Variants in GARRE1 observed in about 807,000 individuals in gnomAD.
GARRE1 encodes granule associated Rac and RHOG effector 1.
A neutral mutation model predicts 103.2 loss-of-function variants in GARRE1; 49 were observed. That is an observed-to-expected ratio of 0.47 (90% confidence interval 0.38 to 0.60). GARRE1 has a LOEUF of 0.60. Among genes scored for constraint, GARRE1 ranks in the 20% least tolerant of loss-of-function variants. The pLI is 0.00. For synonymous variants in GARRE1, 505 were observed against 532.8 expected (o/e 0.95, Z 0.72); for missense variants, 1,199 against 1,370.5 (o/e 0.87, Z 1.98).
intron 10 of GARRE1, among the ~76,000 whole-genome samples, chr19:34,344,571 A>C (rs1451509306): frequency 6.8e-6 from 1 of 147,866 alleles, no homozygotes; most frequent in African/African-American, 2.5e-5. Context: ...AGCCTGGGCG[A>C]CAGAGCGAGA....
chr19:34,343,544 T>C (rs113708308), intron 10 of GARRE1, among the ~76,000 whole-genome samples: 2,919 of 152,182 alleles, frequency 0.019, 103 homozygotes, highest in African/African-American at 0.066. Context: ...TACAAAATTA[T>C]ACCAAGAAGT....
intron 7 of GARRE1, among the ~76,000 whole-genome samples, chr19:34,330,748 T>G (rs57866055): frequency 0.061 from 7,761 of 128,148 alleles, 435 homozygotes; most frequent in African/African-American, 0.15. Flanking sequence ...TTTTTTTTTT[T>G]TGTGTGTGTG....
intron 3 of GARRE1, among the ~76,000 whole-genome samples, chr19:34,325,097 A>T (rs1048539573): frequency 2.0e-5 from 3 of 151,888 alleles, no homozygotes; most frequent in African/African-American, 7.3e-5. Context: ...CCTTGGAAAT[A>T]CTCTCAGCTT....
At chr19:34,296,765 CG>C (rs2073949830) in intron 1 of GARRE1, among the ~76,000 whole-genome samples, 1 of 152,052 alleles carries the variant, frequency 6.6e-6, no homozygotes, top group South Asian at 2.1e-4. Flanking sequence ...CCGCAGCTCC[CG>C]AAGCACCTAG....
At chr19:34,332,631 A>G (rs959924962) in intron 7 of GARRE1, among the ~76,000 whole-genome samples, 4 of 152,190 alleles carry the variant, frequency 2.6e-5, no homozygotes, top group African/African-American at 9.7e-5. Context: ...TTTTTTCCAA[A>G]GGTCATTGCA....
chr19:34,283,934 C>A (rs1372408487), intron 1 of GARRE1, among the ~76,000 whole-genome samples: 2 of 149,590 alleles, frequency 1.3e-5, no homozygotes, highest in East Asian at 3.9e-4. Context: ...CAGGTTCATG[C>A]CATTCTCCTG....
At chr19:34,316,588 A>AG (rs2074061582) in intron 2 of GARRE1, among the ~76,000 whole-genome samples, 1 of 152,176 alleles carries the variant, frequency 6.6e-6, no homozygotes, top group South Asian at 2.1e-4. Context: ...GTACTCTCTC[A>AG]AGAGAAGGTG....
Position 34,300,952 on chromosome 19 carries a change from G to A in GARRE1, c.479G>A (p.Ser160Asn). The A allele has an allele frequency of 6.2e-7, 1 of 1,601,180 alleles. No individual in the cohort carries two copies. Among genetic ancestry groups the A allele is most frequent in the Non-Finnish European group, 8.5e-7 (1 of 1,179,206 alleles). The change falls in exon 2 of 14, where the codon AGT becomes AAT. Residue 160 changes from serine (S) to asparagine (N), a missense_variant. Coordinates refer to ENST00000299505, the MANE Select transcript of GARRE1 (RefSeq NM_014686.5). ...AATTTTACGGATCAGAAGGAATTCA[G>A]TCTCCAGGACATTGAGGTAGAGTAT... ...AANFTDQKEF[S>N]LQDIEVLGRC... is the part of the protein sequence containing the mutation.
At chr19:34,318,437 G>A (rs185882387) in intron 2 of GARRE1, among the ~76,000 whole-genome samples, 120 of 152,346 alleles carry the variant, frequency 7.9e-4, no homozygotes, top group African/African-American at 2.8e-3. Context: ...CACCACTTGC[G>A]TGAGGCAGTG....
At chr19:34,284,285 C>T (rs1009083953) in intron 1 of GARRE1, among the ~76,000 whole-genome samples, 4 of 151,910 alleles carry the variant, frequency 2.6e-5, no homozygotes, top group East Asian at 3.9e-4. Flanking sequence ...CTACCACGCT[C>T]GGCTAATTTT....
At chr19:34,273,381 G>A (rs1033731522) in intron 1 of GARRE1, among the ~76,000 whole-genome samples, 2 of 152,124 alleles carry the variant, frequency 1.3e-5, no homozygotes, top group East Asian at 1.9e-4. Flanking sequence ...TTATGTGGAC[G>A]TGGCATGTCT....
intron 3 of GARRE1, 51 bp downstream of exon 3, chr19:34,320,167 C>G: frequency 6.7e-7 from 1 of 1,489,728 alleles, no homozygotes; most frequent in Non-Finnish European, 9.3e-7. Flanking sequence ...AGGAGAGGCT[C>G]CAGAGGGCCT....
At chr19:34,351,811 A>C (rs2074238805) in intron 13 of GARRE1, among the ~76,000 whole-genome samples, 1 of 152,258 alleles carries the variant, frequency 6.6e-6, no homozygotes, top group South Asian at 2.1e-4. Flanking sequence ...AATACAAATA[A>C]AAATTCAGGC....
chr19:34,295,591 G>A (rs934719124), intron 1 of GARRE1, among the ~76,000 whole-genome samples: 2 of 151,984 alleles, frequency 1.3e-5, no homozygotes, highest in Non-Finnish European at 2.9e-5. Flanking sequence ...GTGCAGTGGT[G>A]TAATCATGGC....
chr19:34,320,441 A>G (rs2074081616), intron 3 of GARRE1, among the ~76,000 whole-genome samples: 1 of 152,184 alleles, frequency 6.6e-6, no homozygotes, highest in Non-Finnish European at 1.5e-5. Context: ...GTGCTGCAGG[A>G]AAGCTTCTAA....
chr19:34,307,921 G>A (rs1457586148), intron 2 of GARRE1, among the ~76,000 whole-genome samples: 3 of 150,352 alleles, frequency 2.0e-5, no homozygotes, highest in Admixed American at 6.7e-5. Context: ...ATCTGAGACT[G>A]CGTAGCTGAG....
intron 2 of GARRE1, among the ~76,000 whole-genome samples, 175 bp from the exon 3 acceptor site, chr19:34,319,732 G>A (rs1221819927): frequency 6.6e-6 from 1 of 152,022 alleles, no homozygotes; most frequent in Non-Finnish European, 1.5e-5. Flanking sequence ...AGTCACCGAG[G>A]TCCAAACACA....
At position 34,354,634 on chromosome 19, in the gene GARRE1, T is replaced by G. The variant is rs1241692840; in HGVS notation, c.*1679T>G. 3 of 151,774 alleles carry G rather than the reference T, an allele frequency of 2.0e-5. No individual in the cohort carries two copies. The highest frequency in any genetic ancestry group is 4.4e-5 in the Non-Finnish European group (3 of 67,994). 9.4% of individuals were successfully genotyped at this position (151,774 alleles called of 1,614,324 possible). On this transcript the variant is annotated 3_prime_UTR_variant, in exon 14 of 14. Coordinates refer to ENST00000299505, the MANE Select transcript of GARRE1 (RefSeq NM_014686.5). ...TTACAGTGAGCTGAGATTGTGCCAC[T>G]GCACTCCAGCCTGGGTGACAGAGTG...
intron 2 of GARRE1, among the ~76,000 whole-genome samples, chr19:34,316,168 T>C (rs1290153601): frequency 6.6e-6 from 1 of 152,218 alleles, no homozygotes; most frequent in East Asian, 1.9e-4. Context: ...TTCAGTGTTA[T>C]CATCCGTAAA....
Sources: gnomAD v4.1 joint callset for allele counts (sites outside exome capture counted in the v4.1 genomes callset) on GRCh38, gnomAD v4.1.1 for gene constraint, MANE v1.5 for transcripts, NCBI Gene and HGNC (gene_info 2026-07-23, HGNC 2026-07-21) for gene names.